Variants in ARHGAP21 observed in about 807,000 individuals in gnomAD.
The protein encoded by ARHGAP21 is Rho GTPase activating protein 21.
In ARHGAP21, 38 loss-of-function variants were observed where a neutral mutation model predicts 164.6. The observed-to-expected ratio is 0.23, with a 90% CI of 0.18 to 0.30. The LOEUF (loss-of-function observed/expected upper bound fraction) is 0.30. Ranked by LOEUF, ARHGAP21 falls within the 10% of genes least tolerant of loss-of-function variation. The pLI is 1.00. For synonymous variants in ARHGAP21, 766 were observed against 857.9 expected (o/e 0.89, Z 1.87); for missense variants, 1,822 against 2,370.7 (o/e 0.77, Z 4.81).
chr10:24,635,626 A>C (rs990160548), intron 4 of ARHGAP21, among the ~76,000 whole-genome samples: 20 of 152,124 alleles, frequency 1.3e-4, no homozygotes, highest in African/African-American at 4.8e-4. Flanking sequence ...GGCTCACTGC[A>C]ACCTCCACAT....
chr10:24,694,176 T>C (rs1043984132), intron 2 of ARHGAP21, among the ~76,000 whole-genome samples: 1 of 152,212 alleles, frequency 6.6e-6, no homozygotes, highest in Admixed American at 6.5e-5. Flanking sequence ...CATACCCCCT[T>C]ATGCCTAGGC....
rs1170446569 is a variant in ARHGAP21 at position 24,620,617 on chromosome 10, G to A, written c.1278C>T (p.Asn426=). ...AAGTAGTGCGGTTGGGGACGACCTG[G>A]TTATAATCTGTCGTGCTTTGAGATG... The part of the protein sequence containing the change: ...RAASQSTTDY[N]QVVPNRTTLQ... Residue 426 remains asparagine, a synonymous_variant, in exon 9 of 26, where the codon AAC becomes AAT. Coordinates refer to ENST00000396432, the MANE Select transcript of ARHGAP21 (RefSeq NM_020824.4). The A allele has an allele frequency of 1.9e-6, 3 of 1,614,092 alleles. No individual in the cohort carries two copies. Among genetic ancestry groups the A allele is most frequent in the Non-Finnish European group, 1.7e-6 (2 of 1,180,054 alleles).
At chr10:24,640,289 A>AATATAT (rs138268455) in intron 4 of ARHGAP21, 18 of 147,282 alleles carry the variant, frequency 1.2e-4, no homozygotes, top group African/African-American at 4.0e-4. Flanking sequence ...TAGGCTTTAA[A>AATATAT]ATATATATAT....
chr10:24,720,641 A>T (rs1845834043), intron 2 of ARHGAP21, among the ~76,000 whole-genome samples: 1 of 152,244 alleles, frequency 6.6e-6, no homozygotes, highest in Admixed American at 6.5e-5. Flanking sequence ...AGTAAGCTGC[A>T]TGAAGCAAGT....
At chr10:24,621,812 CTAT>C (rs1453673031) in intron 8 of ARHGAP21, among the ~76,000 whole-genome samples, 2 of 150,250 alleles carry the variant, frequency 1.3e-5, no homozygotes, top group Non-Finnish European at 1.5e-5. Context: ...AGTACTACTA[CTAT>C]AATAAATTAA....
chr10:24,606,931 C>T (rs1347836437), intron 11 of ARHGAP21, among the ~76,000 whole-genome samples: 5 of 152,066 alleles, frequency 3.3e-5, no homozygotes, highest in South Asian at 4.1e-4. Flanking sequence ...ATGTGCTAAC[C>T]GAACTCTGTA....
At chr10:24,588,605 G>T (rs1348061537) in intron 25 of ARHGAP21, among the ~76,000 whole-genome samples, 1 of 152,128 alleles carries the variant, frequency 6.6e-6, no homozygotes, top group Admixed American at 6.5e-5. Flanking sequence ...AATGTTTTAA[G>T]AAGTCTGACA....
At chr10:24,627,653 G>A (rs1324179939) in intron 7 of ARHGAP21, among the ~76,000 whole-genome samples, 1 of 152,010 alleles carries the variant, frequency 6.6e-6, no homozygotes, top group East Asian at 1.9e-4. Flanking sequence ...CTGTCTCTGG[G>A]ATACTTTATA....
At chr10:24,638,014 G>A (rs1316186972) in intron 4 of ARHGAP21, among the ~76,000 whole-genome samples, 2 of 151,860 alleles carry the variant, frequency 1.3e-5, no homozygotes, top group African/African-American at 4.8e-5. Context: ...ACAGGTGCCC[G>A]CCACCATGCC....
At chr10:24,689,631 C>G (rs1842524546) in intron 2 of ARHGAP21, among the ~76,000 whole-genome samples, 1 of 152,020 alleles carries the variant, frequency 6.6e-6, no homozygotes, top group Non-Finnish European at 1.5e-5. Context: ...GTCTCAGCTA[C>G]CCGGGAGGCT....
rs1288076211 is a variant in ARHGAP21 at position 24,584,666 on chromosome 10, T to G, written c.5623A>C (p.Thr1875Pro). ...LSRGEIGDPQ[T>P]ENPSTREIAT... ...ATTTCTCGTGTGCTTGGGTTCTCTG[T>G]CTGGGGATCTCCGATTTCTCCTCTG... Residue 1875 changes from threonine to proline, a missense_variant, in exon 26 of 26, where the codon ACA becomes CCA. Coordinates refer to ENST00000396432, the MANE Select transcript of ARHGAP21 (RefSeq NM_020824.4). 1 of 1,613,962 alleles carries G rather than the reference T, an allele frequency of 6.2e-7. No individual in the cohort carries two copies. The highest frequency in any genetic ancestry group is 8.5e-7 in the Non-Finnish European group (1 of 1,179,856).
At chr10:24,638,366 AAG>A (rs1187652718) in intron 4 of ARHGAP21, among the ~76,000 whole-genome samples, 1 of 152,240 alleles carries the variant, frequency 6.6e-6, no homozygotes, top group African/African-American at 2.4e-5. Context: ...CATGAATTTT[AAG>A]AGTGTCTTCT....
chr10:24,704,435 T>G (rs1037867769), intron 2 of ARHGAP21, among the ~76,000 whole-genome samples: 2 of 149,674 alleles, frequency 1.3e-5, no homozygotes, highest in Non-Finnish European at 1.5e-5. Flanking sequence ...GGACTATAGG[T>G]GCACACCACC....
intron 24 of ARHGAP21, chr10:24,590,254 G>A (rs1442964797): frequency 3.4e-6 from 5 of 1,487,460 alleles, no homozygotes; most frequent in African/African-American, 2.8e-5. Context: ...AGAAACAGCA[G>A]AAAAACTTTT....
intron 11 of ARHGAP21, among the ~76,000 whole-genome samples, chr10:24,606,632 ACCTGAGATCAG>A (rs2077037320): frequency 6.6e-6 from 1 of 152,158 alleles, no homozygotes; most frequent in Non-Finnish European, 1.5e-5. Context: ...TGGGTGGATC[ACCTGAGATCAG>A]GAGTTTGAGA....
At chr10:24,638,320 C>T (rs1275888118) in intron 4 of ARHGAP21, among the ~76,000 whole-genome samples, 2 of 152,162 alleles carry the variant, frequency 1.3e-5, no homozygotes, top group Non-Finnish European at 2.9e-5. Flanking sequence ...AATTTCTATA[C>T]ACCTTGACTC....
intron 4 of ARHGAP21, among the ~76,000 whole-genome samples, chr10:24,638,337 T>G (rs769457036): frequency 6.6e-6 from 1 of 152,368 alleles, no homozygotes; most frequent in East Asian, 1.9e-4. Flanking sequence ...ACTCTATGTC[T>G]TGAGTTAAAC....
intron 6 of ARHGAP21, among the ~76,000 whole-genome samples, chr10:24,632,200 A>T (rs1013708539): frequency 3.3e-5 from 5 of 152,256 alleles, no homozygotes; most frequent in Non-Finnish European, 7.3e-5. Context: ...TTATTCTGAA[A>T]GATGAACTGT....
Position 24,721,820 on chromosome 10 carries a change from G to C in ARHGAP21, c.63+17C>G. On this transcript the variant is annotated intron_variant, in intron 2 of 25. Transcript: ENST00000396432. Reference sequence around the variant, plus strand: ...GGCCACCGCCCTGCCGGCCAGGAACGCTGGCTCCGCGCTTACCTCGCAGGC... The same window carrying C: ...GGCCACCGCCCTGCCGGCCAGGAACCCTGGCTCCGCGCTTACCTCGCAGGC... 1.9e-6 allele frequency: 3 copies of C among 1,613,922 alleles called. No individual in the cohort carries two copies. Among genetic ancestry groups the C allele is most frequent in the South Asian group, 2.2e-5 (2 of 90,992 alleles).
Sources: gnomAD v4.1 joint callset for allele counts (sites outside exome capture counted in the v4.1 genomes callset) on GRCh38, gnomAD v4.1.1 for gene constraint, MANE v1.5 for transcripts, NCBI Gene and HGNC (gene_info 2026-07-23, HGNC 2026-07-21) for gene names.